LARP1: variants seen among roughly 807,000 people sequenced by gnomAD.
LARP1 encodes La ribonucleoprotein 1, translational regulator.
LARP1 carries 36 observed loss-of-function variants against 122.7 expected under a neutral mutation model. That is an observed-to-expected ratio of 0.29 (90% CI 0.22 to 0.39). The LOEUF (loss-of-function observed/expected upper bound fraction) is 0.39, where lower values mean the gene tolerates loss of function less well. Ranked by LOEUF, LARP1 falls within the 10% of genes least tolerant of loss-of-function variation. The pLI is 1.00. For synonymous variants in LARP1, 539 were observed against 528.7 expected, an observed-to-expected ratio of 1.02 and a Z score of -0.27; for missense variants, 1,040 against 1,403.6, an observed-to-expected ratio of 0.74 and a Z score of 4.14.
chr5:154,794,249 A>G lies in LARP1; in HGVS notation c.1219A>G (p.Ile407Val). The G allele has an allele frequency of 6.2e-7, 1 of 1,614,152 alleles. No homozygotes were observed. Among genetic ancestry groups the G allele is most frequent in the Non-Finnish European group, 8.5e-7 (1 of 1,180,008 alleles). Residue 407 changes from isoleucine to valine, a missense_variant, in exon 7 of 19, where the codon ATC (isoleucine) becomes GTC (valine). Ile to Val is a conservative substitution (Grantham distance 29). This residue lies in a region of LARP1 where 362 missense variants were observed against 533.1 expected (regional missense o/e 0.68). Coordinates refer to ENST00000518297, the MANE Select transcript of LARP1 (RefSeq NM_033551.3). ...SVDQELLKDY[I>V]KRQIEYYFSV... ...GGATCAGGAACTGCTCAAAGACTAC[A>G]TCAAGCGCCAGATGTGAGTGTGCGG...
chr5:154,756,228 G>A (rs1163672522), intron 1 of LARP1, 35 bp downstream of exon 1: 4 of 1,210,494 alleles, frequency 3.3e-6, no homozygotes, highest in Non-Finnish European at 4.2e-6. Context: ...GGGTCCGGGG[G>A]CCTCTTCCGG....
At chr5:154,769,646 G>A (rs1318570399) in intron 1 of LARP1, among the ~76,000 whole-genome samples, 1 of 152,200 alleles carries the variant, frequency 6.6e-6, no homozygotes, top group African/African-American at 2.4e-5. Flanking sequence ...ACTGAGTTAT[G>A]TTAGGCCCCA....
intron 1 of LARP1, among the ~76,000 whole-genome samples, chr5:154,742,619 A>G (rs995537010): frequency 2.0e-5 from 3 of 151,560 alleles, no homozygotes; most frequent in Admixed American, 6.6e-5. Context: ...AGTTCCAGCT[A>G]TTCGGGAGTC....
upstream of LARP1, among the ~76,000 whole-genome samples, chr5:154,751,363 T>C (rs1278460942): frequency 6.6e-6 from 1 of 152,234 alleles, no homozygotes; most frequent in Non-Finnish European, 1.5e-5. Context: ...ACCTAGCCTG[T>C]AGTGCCTGGC....
chr5:154,716,164 G>T (rs1156361962), intron 1 of LARP1, among the ~76,000 whole-genome samples: 1 of 152,096 alleles, frequency 6.6e-6, no homozygotes, highest in Non-Finnish European at 1.5e-5. Flanking sequence ...CTGTTGCCCA[G>T]GTTGAAGTGG....
chr5:154,790,275 C>T (rs1561606569), intron 1 of LARP1, 50 bp from the exon 2 acceptor site: 1 of 1,499,462 alleles, frequency 6.7e-7, no homozygotes, highest in South Asian at 1.2e-5. Context: ...CTGGCAGTAG[C>T]CCCCTCACAT....
At chr5:154,808,701 A>G in intron 16 of LARP1, 98 bp downstream of exon 16, 1 of 1,261,706 alleles carries the variant, frequency 7.9e-7, no homozygotes, top group Non-Finnish European at 1.1e-6. Flanking sequence ...AATTCCTTGC[A>G]TGTGTATGTT....
intron 1 of LARP1, among the ~76,000 whole-genome samples, chr5:154,783,659 C>A (rs1455810731): frequency 6.6e-6 from 1 of 152,038 alleles, no homozygotes; most frequent in African/African-American, 2.4e-5. Flanking sequence ...TCTTGGGTTC[C>A]TCGTTTTAAA....
chr5:154,759,799 G>T lies in LARP1; in HGVS notation c.436+3606G>T, dbSNP rs186174912. Among the ~76,000 whole-genome samples, 389 of 152,200 alleles carry T rather than the reference G, an allele frequency of 2.6e-3. 3 individuals carry two copies. The highest frequency in any genetic ancestry group is 9.0e-3 in the African/African-American group (374 of 41,492). On this transcript the variant is annotated intron_variant, in intron 1 of 18. Coordinates refer to ENST00000518297, the MANE Select transcript of LARP1 (RefSeq NM_033551.3). ...ACCATGGTTTTTCACTTTCAGTACA[G>T]TATTCAATAAATTAATTACATGAGA...
chr5:154,794,075 C>T (rs1332877946), intron 6 of LARP1, 25 bp from the exon 7 acceptor site: 1 of 1,613,482 alleles, frequency 6.2e-7, no homozygotes, highest in East Asian at 2.2e-5. Context: ...TCTCCTCTCC[C>T]TCATGGCACC....
At chr5:154,781,690 G>A (rs1383867047) in intron 1 of LARP1, among the ~76,000 whole-genome samples, 1 of 152,174 alleles carries the variant, frequency 6.6e-6, no homozygotes, top group Non-Finnish European at 1.5e-5. Context: ...CTTGTCCAAA[G>A]GACGGCTTTG....
chr5:154,699,919 GT>G (rs1163799233), intron 1 of LARP1, among the ~76,000 whole-genome samples: 8 of 152,192 alleles, frequency 5.3e-5, no homozygotes, highest in Admixed American at 4.6e-4. Flanking sequence ...AGGAAAACAG[GT>G]TTTCCCAAGG....
At chr5:154,723,538 T>C (rs1756013443) in intron 1 of LARP1, among the ~76,000 whole-genome samples, 2 of 152,188 alleles carry the variant, frequency 1.3e-5, no homozygotes, top group South Asian at 4.1e-4. Context: ...AGGGAGAGTT[T>C]GAAGATACAG....
At chr5:154,731,793 G>C (rs1756583974) in intron 1 of LARP1, among the ~76,000 whole-genome samples, 1 of 152,108 alleles carries the variant, frequency 6.6e-6, no homozygotes, top group Admixed American at 6.6e-5. Context: ...ACTTTGGGAG[G>C]CTGAGGCGGG....
chr5:154,778,036 C>T (rs1054513180), intron 1 of LARP1, among the ~76,000 whole-genome samples: 13 of 151,930 alleles, frequency 8.6e-5, no homozygotes, highest in African/African-American at 1.5e-4. Flanking sequence ...CCGAGGCAGG[C>T]GGATCACAAG....
At position 154,736,536 on chromosome 5, in the gene LARP1, T is replaced by TTTTTTTTATTTA. The variant is rs552562542; in HGVS notation, c.205+23409_205+23410insTTTTATTTATTT. On this transcript the variant is annotated intron_variant, in intron 1 of 18. Transcript: ENST00000336314. ...TTGAGCCACACCCTGCCTGGCCTATTTTTATTTATTTATTTATTTATTTAT... is the reference window on the plus strand; with the variant it reads ...TTGAGCCACACCCTGCCTGGCCTATTTTTTTTTATTTATTTATTTATTTATTTATTTATTTAT... Among the ~76,000 whole-genome samples the TTTTTTTTATTTA allele has an allele frequency of 1.3e-3, 169 of 133,200 alleles. 1 individual carries two copies. The highest frequency in any genetic ancestry group is 4.2e-3 in the African/African-American group (148 of 34,942). 87.4% of individuals were successfully genotyped at this position (133,200 alleles called of 152,430 possible).
rs112267892 is a variant in LARP1, at chr5:154,763,481, CTGTT to C, written c.436+7290_436+7293del. On this transcript the variant is annotated intron_variant, in intron 1 of 18. Coordinates refer to ENST00000518297, the MANE Select transcript of LARP1 (RefSeq NM_033551.3). ...GACCTTAAGATCATCCTTGCCACCT[CTGTT>C]TTTTTTTTTCTGGCTGGTTGCAGTG... Among the ~76,000 whole-genome samples, 155 of 151,682 alleles carry C rather than the reference CTGTT, an allele frequency of 1.0e-3. 1 individual carries two copies. The highest frequency in any genetic ancestry group is 3.6e-3 in the African/African-American group (150 of 41,422).
rs80242745 is a variant in LARP1, at chr5:154,700,299, A to G, written c.-180+17262A>G. Among the ~76,000 whole-genome samples, 1,332 of 152,196 alleles carry G rather than the reference A, an allele frequency of 8.8e-3. 11 individuals are homozygous for G. Among genetic ancestry groups the G allele is most frequent in the Non-Finnish European group, 0.015 (1,047 of 67,998 alleles). On this transcript the variant is annotated intron_variant, in intron 1 of 18. Coordinates refer to the LARP1 transcript ENST00000687700. ...CTCCAAGATGGCTATATTCTGCACT[A>G]TTATTCACCCTGCCTTTATTTAAAA...
chr5:154,787,812 G>A (rs1025103965), intron 1 of LARP1, among the ~76,000 whole-genome samples: 1 of 152,302 alleles, frequency 6.6e-6, no homozygotes, highest in Admixed American at 6.5e-5. Flanking sequence ...TGTATGCTCA[G>A]ACTGTTTGTA....
Sources: allele counts gnomAD v4.1 joint callset (sites outside exome capture counted in the v4.1 genomes callset), GRCh38; gene constraint gnomAD v4.1.1; regional missense constraint gnomAD v4.1.1; transcripts MANE v1.5; gene names NCBI Gene and HGNC (gene_info 2026-07-23, HGNC 2026-07-21).